PHF20L1: variants seen among roughly 807,000 people sequenced by gnomAD.
The protein encoded by PHF20L1 is PHD finger protein 20 like 1.
PHF20L1 carries 44 observed loss-of-function variants against 125.5 expected under a neutral mutation model. The observed-to-expected ratio is 0.35, with a 90% CI of 0.28 to 0.45. The LOEUF (loss-of-function observed/expected upper bound fraction) is 0.45, where lower values mean the gene tolerates loss of function less well. Ranked by LOEUF, PHF20L1 falls within the 20% of genes least tolerant of loss-of-function variation. The probability of loss-of-function intolerance (pLI) is 1.00; values close to 1 mark genes in which losing one functional copy is unlikely to be tolerated. For synonymous variants in PHF20L1, 380 were observed against 403.1 expected (o/e 0.94, Z 0.69); for missense variants, 1,012 against 1,217.2 (o/e 0.83, Z 2.51).
intron 9 of PHF20L1, chr8:132,812,973 A>G: frequency 2.1e-6 from 2 of 940,308 alleles, no homozygotes; most frequent in Non-Finnish European, 2.5e-6. Context: ...GGGATATGTC[A>G]TGTTATATTT....
At chr8:132,813,052 C>T (rs1324989270) in intron 9 of PHF20L1, 3 of 954,848 alleles carry the variant, frequency 3.1e-6, no homozygotes, top group Non-Finnish European at 3.7e-6. Flanking sequence ...TTAATTTTTC[C>T]TTGTTTAGAA....
intron 6 of PHF20L1, 174 bp downstream of exon 6, chr8:132,799,346 G>T: frequency 2.0e-6 from 1 of 490,776 alleles, no homozygotes; most frequent in Non-Finnish European, 3.7e-6. Flanking sequence ...CACTCTGTAG[G>T]CTGTTTCAGA....
Position 132,839,374 on chromosome 8 carries a change from A to G in PHF20L1, c.2192-13A>G, listed in dbSNP as rs774233397. 9.4e-6 allele frequency: 15 copies of G among 1,600,180 alleles called. No individual in the cohort carries two copies. Among genetic ancestry groups the G allele is most frequent in the South Asian group, 2.2e-5 (2 of 90,552 alleles). Reference sequence around the variant, plus strand: ...TGCAGTCCTCTGTGATTTAATATCAACTTCATCTGCAGGTCAGAGGTGGAG... The same window carrying G: ...TGCAGTCCTCTGTGATTTAATATCAGCTTCATCTGCAGGTCAGAGGTGGAG... On this transcript the variant is annotated splice_polypyrimidine_tract_variant and intron_variant, in intron 17 of 20. Coordinates refer to ENST00000395386, the MANE Select transcript of PHF20L1 (RefSeq NM_016018.5).
intron 9 of PHF20L1, 87 bp from the exon 10 acceptor site, chr8:132,814,550 C>A: frequency 2.3e-6 from 2 of 887,468 alleles, no homozygotes; most frequent in Non-Finnish European, 3.3e-6. Flanking sequence ...TTTCTGGATA[C>A]TAAAGTTGCT....
intron 10 of PHF20L1, 105 bp from the exon 11 acceptor site, chr8:132,816,783 A>G: frequency 1.3e-6 from 1 of 792,798 alleles, no homozygotes. Context: ...TTATAACAAC[A>G]TCAGAGGGAA....
At chr8:132,781,499 G>A (rs988642526) in intron 2 of PHF20L1, among the ~76,000 whole-genome samples, 2 of 152,136 alleles carry the variant, frequency 1.3e-5, no homozygotes, top group East Asian at 3.9e-4. Context: ...TGCAACCTCC[G>A]CTCGCTGCAA....
At chr8:132,833,689 G>C (rs1357235485) in intron 15 of PHF20L1, among the ~76,000 whole-genome samples, 1 of 152,082 alleles carries the variant, frequency 6.6e-6, no homozygotes, top group Non-Finnish European at 1.5e-5. Flanking sequence ...GAAAGATGGA[G>C]AATAGGGGTT....
rs1043406440 is a variant in PHF20L1 at position 132,832,332 on chromosome 8, G to A, written c.1842G>A (p.Met614Ile). 6 of 1,612,040 alleles carry A rather than the reference G, an allele frequency of 3.7e-6. No individual in the cohort carries two copies. The highest frequency in any genetic ancestry group is 1.7e-5 in the Admixed American group (1 of 59,866). The change falls in exon 15 of 21, where the codon ATG (methionine) becomes ATA (isoleucine). Residue 614 changes from methionine to isoleucine, a missense_variant. By Grantham distance (10) the Met-to-Ile change is conservative. Coordinates refer to ENST00000395386, the MANE Select transcript of PHF20L1 (RefSeq NM_016018.5). ...SSGSSLASRS[M>I]FTEKTTTYQY... is the part of the protein sequence containing the mutation. ...GGAGTTCTCTGGCTTCACGAAGCAT[G>A]TTTACGGAGAAAACTACAACCTATC...
intron 2 of PHF20L1, among the ~76,000 whole-genome samples, chr8:132,784,502 GA>G (rs891026173): frequency 1.8e-4 from 27 of 151,946 alleles, no homozygotes; most frequent in African/African-American, 6.5e-4. Context: ...AGGGATGACA[GA>G]TTTTTTTTTT....
Position 132,777,817 on chromosome 8 carries a change from T to A in PHF20L1, c.-12T>A. The A allele has an allele frequency of 6.3e-7, 1 of 1,588,840 alleles. No homozygotes were observed. The highest frequency in any genetic ancestry group is 8.6e-7 in the Non-Finnish European group (1 of 1,157,458). On this transcript the variant is annotated 5_prime_UTR_variant, in exon 2 of 21. Transcript: ENST00000395386. The stretch of plus-strand genomic sequence containing the variant: ...GTAGTGAAAAGAGAATACTGAAGAA[T>A]AGGATCTCAAGATGAGTAAAAAGCC...
Position 132,846,626 on chromosome 8 carries a change from C to T in PHF20L1, c.*703C>T, listed in dbSNP as rs536058893. The T allele has an allele frequency of 1.3e-5, 2 of 152,528 alleles. No homozygotes were observed. Among genetic ancestry groups the T allele is most frequent in the Admixed American group, 1.3e-4 (2 of 15,262 alleles). The allele number at this position is 152,528 out of a possible 1,614,324, so 9.4% of individuals were successfully genotyped here. A position where few individuals can be genotyped will look rare whatever the true frequency, so the allele number is the denominator to read the frequency against. On this transcript the variant is annotated 3_prime_UTR_variant, in exon 21 of 21. Coordinates refer to ENST00000395386, the MANE Select transcript of PHF20L1 (RefSeq NM_016018.5). ...AAAACAAACTGGCTTGCAGAAGGGT[C>T]CGATGTGCCAAGTGATCATGATTCT...
At chr8:132,781,266 A>G (rs1171344144) in intron 2 of PHF20L1, among the ~76,000 whole-genome samples, 1 of 152,196 alleles carries the variant, frequency 6.6e-6, no homozygotes, top group African/African-American at 2.4e-5. Flanking sequence ...ATTTAACAGG[A>G]AGACTCAATC....
intron 14 of PHF20L1, among the ~76,000 whole-genome samples, chr8:132,829,070 CTT>C (rs1563839425): frequency 6.6e-6 from 1 of 151,974 alleles, no homozygotes; most frequent in Admixed American, 6.6e-5. Flanking sequence ...ACATAACAGA[CTT>C]TTATTCATAA....
At chr8:132,837,154 T>A (rs191687780) in intron 16 of PHF20L1, among the ~76,000 whole-genome samples, 2 of 152,064 alleles carry the variant, frequency 1.3e-5, no homozygotes, top group East Asian at 1.9e-4. Flanking sequence ...GTTAACAACT[T>A]CTTCTTGTAG....
At chr8:132,796,787 AG>A (rs1159388270) in intron 4 of PHF20L1, among the ~76,000 whole-genome samples, 2 of 152,098 alleles carry the variant, frequency 1.3e-5, no homozygotes, top group Non-Finnish European at 2.9e-5. Flanking sequence ...AGCACATAGT[AG>A]ACAGTCAGTA....
intron 2 of PHF20L1, among the ~76,000 whole-genome samples, chr8:132,785,895 G>A (rs1402502021): frequency 1.3e-5 from 2 of 152,054 alleles, no homozygotes; most frequent in Admixed American, 1.3e-4. Flanking sequence ...CTACTTATAT[G>A]AAATGGTGTA....
At chr8:132,823,941 A>T in intron 12 of PHF20L1, 63 bp from the exon 13 acceptor site, 1 of 947,468 alleles carries the variant, frequency 1.1e-6, no homozygotes, top group Non-Finnish European at 1.6e-6. Flanking sequence ...TGTAATGTAA[A>T]ATATTGTCCC....
At chr8:132,785,281 G>C (rs963278147) in intron 2 of PHF20L1, among the ~76,000 whole-genome samples, 8 of 152,074 alleles carry the variant, frequency 5.3e-5, no homozygotes, top group Non-Finnish European at 1.0e-4. Flanking sequence ...TTTTTTAGTT[G>C]GGGGTTGATG....
At chr8:132,798,608 T>G (rs1424961073) in intron 4 of PHF20L1, among the ~76,000 whole-genome samples, 164 bp from the exon 5 acceptor site, 1 of 151,988 alleles carries the variant, frequency 6.6e-6, no homozygotes, top group African/African-American at 2.4e-5. Context: ...GAGTTGTTTT[T>G]AGAGGGAGGG....
Sources: allele counts gnomAD v4.1 joint callset (sites outside exome capture counted in the v4.1 genomes callset), GRCh38; gene constraint gnomAD v4.1.1; transcripts MANE v1.5; gene names NCBI Gene and HGNC (gene_info 2026-07-23, HGNC 2026-07-21).